PIM2: variants seen among roughly 807,000 people sequenced by gnomAD.
PIM2 encodes Pim-2 proto-oncogene, serine/threonine kinase, also known as serine/threonine-protein kinase pim-2.
PIM2 carries 3 observed loss-of-function variants against 18.0 expected under a neutral mutation model. That is an observed-to-expected ratio of 0.17 (90% CI 0.08 to 0.43). PIM2 has a LOEUF of 0.43. Ranked by LOEUF, PIM2 falls within the 20% of genes least tolerant of loss-of-function variation. PIM2 has a pLI of 0.99. For synonymous variants in PIM2, 117 were observed against 105.3 expected, an observed-to-expected ratio of 1.11 and a Z score of -0.68; for missense variants, 181 against 260.8, an observed-to-expected ratio of 0.69 and a Z score of 2.11.
chrX:48,914,132 T>A lies in PIM2; in HGVS notation c.935A>T (p.Ter312LeuextTer38). The change falls in exon 6 of 6, where the codon TAA becomes TTA. Residue 312 changes from the stop codon to leucine, a stop_lost. Transcript: ENST00000376509. Reference sequence around the variant, plus strand: ...GGGCCAGGCCAGGCCAGGCCAGGCTTAGGGTAGCAAGGACCAGGCCAAAGG... The same window carrying A: ...GGGCCAGGCCAGGCCAGGCCAGGCTAAGGGTAGCAAGGACCAGGCCAAAGG... Reference protein sequence around the residue: ...PAPLAWSLLP* With the variant: ...PAPLAWSLLPL 1 of 1,110,845 alleles carries A rather than the reference T, an allele frequency of 9.0e-7. No homozygotes were observed. The highest frequency in any genetic ancestry group is 1.2e-6 in the Non-Finnish European group (1 of 838,445). 91.5% of individuals were successfully genotyped at this position (1,110,845 alleles called of 1,213,427 possible).
chrX:48,914,363 A>G, intron 5 of PIM2, 32 bp downstream of exon 5: 1 of 1,210,174 alleles, frequency 8.3e-7, no homozygotes, highest in Non-Finnish European at 1.1e-6. Flanking sequence ...AGAAGGATGG[A>G]GTCTTCTGGG....
chrX:48,914,406 T>C lies in PIM2; in HGVS notation c.761A>G (p.His254Arg). The C allele has an allele frequency of 8.3e-7, 1 of 1,210,667 alleles. No individual in the cohort carries two copies. Residue 254 changes from histidine (H) to arginine (R), a missense_variant, in exon 5 of 6, where the codon CAT (histidine) becomes CGT (arginine). By Grantham distance (29) the His-to-Arg change is conservative. Around this residue, in one of 5 missense-constraint regions of PIM2, gnomAD observed 41 missense variants for 52.0 expected, o/e 0.79. Transcript: ENST00000376509. ...ILEAELHFPA[H>R]VSPDCCALIR... is the part of the protein sequence containing the mutation. ...CAGTGAGGCCTCACCTGGGGAGACA[T>C]GGGCTGGGAAGTGGAGCTCAGCTTC...
chrX:48,913,795 G>A lies in PIM2; in HGVS notation c.*336C>T. 1 of 183,297 alleles carries A rather than the reference G, an allele frequency of 5.5e-6. No homozygotes were observed. The highest frequency in any genetic ancestry group is 1.2e-4 in the East Asian group (1 of 8,351). The allele number at this position is 183,297 out of a possible 1,213,427, so 15.1% of individuals were successfully genotyped here. On this transcript the variant is annotated 3_prime_UTR_variant, in exon 6 of 6. Transcript: ENST00000376509. Reference sequence around the variant, plus strand: ...GTAGTAGGAGGTGCCAATGTGGGGTGACACATCATCAGAATAAGAGTCCCG... The same window carrying A: ...GTAGTAGGAGGTGCCAATGTGGGGTAACACATCATCAGAATAAGAGTCCCG...
intron 3 of PIM2, among the ~76,000 whole-genome samples, chrX:48,916,785 CT>C (rs2063563974): frequency 9.2e-6 from 1 of 108,275 alleles, no homozygotes; most frequent in African/African-American, 3.4e-5. Context: ...GAGGTGGAGG[CT>C]GCAGTGAGCT....
chrX:48,914,998 G>A, intron 4 of PIM2, 22 bp downstream of exon 4: 1 of 1,179,658 alleles, frequency 8.5e-7, no homozygotes, highest in Non-Finnish European at 1.1e-6. Flanking sequence ...AATCCCTCCA[G>A]GGAGATTTAG....
chrX:48,915,773 GC>G, intron 3 of PIM2: 1 of 143,898 alleles, frequency 6.9e-6, no homozygotes. Flanking sequence ...ACAAAAATTA[GC>G]CAGGCTTGGT....
At chrX:48,917,958 A>T in intron 2 of PIM2, 127 bp from the exon 3 acceptor site, 6 of 537,217 alleles carry the variant, frequency 1.1e-5, no homozygotes, top group Non-Finnish European at 1.9e-5. Flanking sequence ...CCCCAACCAC[A>T]GCACCCCACA....
chrX:48,918,385 C>T, intron 2 of PIM2, 151 bp downstream of exon 2: 1 of 428,036 alleles, frequency 2.3e-6, no homozygotes, highest in Non-Finnish European at 4.0e-6. Context: ...TGCAGGCTCA[C>T]TCCTCGGACA....
chrX:48,914,792 G>C lies in PIM2; in HGVS notation c.596-221C>G, dbSNP rs1245835434. 4 of 456,769 alleles carry C rather than the reference G, an allele frequency of 8.8e-6. No individual in the cohort carries two copies. In the Admixed American group the frequency reaches 1.3e-4, roughly 15 times the overall value. 37.6% of individuals were successfully genotyped at this position (456,769 alleles called of 1,213,427 possible). A position where few individuals can be genotyped will look rare whatever the true frequency, so the allele number is the denominator to read the frequency against. ...TTACCAGAGAAAGAATACTCAGGAT[G>C]GTAACAGGATCCCCTCACCAGAATA... On this transcript the variant is annotated intron_variant, in intron 4 of 5. Transcript: ENST00000376509.
At chrX:48,918,298 GCCC>G (rs11361543) in intron 2 of PIM2, among the ~76,000 whole-genome samples, 1 of 25,006 alleles carries the variant, frequency 4.0e-5, no homozygotes, top group Non-Finnish European at 6.7e-5. Flanking sequence ...GAAGCCCCCT[GCCC>G]CCCCCCCCCG....
At chrX:48,918,453 C>T in intron 2 of PIM2, 83 bp downstream of exon 2, 1 of 656,342 alleles carries the variant, frequency 1.5e-6, no homozygotes, top group Non-Finnish European at 2.4e-6. Flanking sequence ...CAGGCTCACT[C>T]CTCGGTCAAC....
At chrX:48,915,431 AAGAC>A (rs1445460219) in intron 3 of PIM2, 39 bp from the exon 4 acceptor site, 3 of 1,157,644 alleles carry the variant, frequency 2.6e-6, no homozygotes, top group Non-Finnish European at 3.5e-6. Flanking sequence ...GGAGAGAAAA[AAGAC>A]AGATGTCAGG....
At chrX:48,915,477 A>C in intron 3 of PIM2, 85 bp from the exon 4 acceptor site, 219 of 937,472 alleles carry the variant, frequency 2.3e-4, no homozygotes, top group Middle Eastern at 4.1e-4. Flanking sequence ...ACCTAAGCTC[A>C]ACTCAGGGCC....
chrX:48,917,944 T>C (rs1184601551), intron 2 of PIM2, 113 bp from the exon 3 acceptor site: 2 of 604,082 alleles, frequency 3.3e-6, no homozygotes, highest in Non-Finnish European at 5.4e-6. Context: ...CTAGTCTTTC[T>C]GGTCCCCAAC....
intron 3 of PIM2, 101 bp downstream of exon 3, chrX:48,917,680 T>A: frequency 1.6e-6 from 1 of 607,323 alleles, no homozygotes; most frequent in Middle Eastern, 3.1e-4. Context: ...GTATTCTCAC[T>A]GTTACAGGGC....
intron 2 of PIM2, among the ~76,000 whole-genome samples, 192 bp from the exon 3 acceptor site, chrX:48,918,023 C>G (rs1377473032): frequency 9.1e-6 from 1 of 109,902 alleles, no homozygotes; most frequent in East Asian, 2.9e-4. Flanking sequence ...CCAAGTTTAT[C>G]TCTCCCACCT....
chrX:48,917,983 G>T, intron 2 of PIM2, 152 bp from the exon 3 acceptor site: 1 of 491,691 alleles, frequency 2.0e-6, no homozygotes, highest in Non-Finnish European at 3.6e-6. Flanking sequence ...GCGTACCAGG[G>T]CGTCTCCCCT....
chrX:48,913,840 C>T lies in PIM2; in HGVS notation c.*291G>A, dbSNP rs2063555637. 1 of 267,036 alleles carries T rather than the reference C, an allele frequency of 3.7e-6. No homozygotes were observed. The highest frequency in any genetic ancestry group is 6.5e-6 in the Non-Finnish European group (1 of 154,248). The allele number at this position is 267,036 out of a possible 1,213,427, so 22.0% of individuals were successfully genotyped here. On this transcript the variant is annotated 3_prime_UTR_variant, in exon 6 of 6. Transcript: ENST00000376509. ...GTCCCGGGGCTCAGAATGGGAACAA[C>T]TTCACCAAAATAAACTTCCTTAGCA...
chrX:48,919,018 T>G lies in PIM2; in HGVS notation c.-184A>C, dbSNP rs1569512486. 2.4e-6 allele frequency: 1 copy of G among 419,800 alleles called. No homozygotes were observed. Among genetic ancestry groups the G allele is most frequent in the East Asian group, 4.4e-5 (1 of 22,918 alleles). 34.6% of individuals were successfully genotyped at this position (419,800 alleles called of 1,213,427 possible). On this transcript the variant is annotated 5_prime_UTR_variant, in exon 1 of 6. Transcript: ENST00000376509. ...GATTCGCCGCGCGCGCCAGCCCCAA[T>G]GCTACTGAGCCTGGGCACGCGCCTC...
Sources: allele counts gnomAD v4.1 joint callset (sites outside exome capture counted in the v4.1 genomes callset), GRCh38; gene constraint gnomAD v4.1.1; regional missense constraint gnomAD v4.1.1; transcripts MANE v1.5; gene names NCBI Gene and HGNC (gene_info 2026-07-23, HGNC 2026-07-21).